Variants in SYT1 observed in about 807,000 individuals in gnomAD.
SYT1 encodes the protein synaptotagmin 1, also known as synaptotagmin-1.
Under a neutral mutation model 44.8 loss-of-function variants are expected in SYT1, and 8 were observed. That is an observed-to-expected ratio of 0.18 (90% confidence interval 0.10 to 0.32). SYT1 has a LOEUF of 0.32. SYT1 is among the 10% of genes least tolerant of loss of function. The pLI is 1.00. For missense variants in SYT1, 286 were observed against 509.3 expected (o/e 0.56, Z 4.22); for synonymous variants, 154 against 188.8 (o/e 0.82, Z 1.51).
Position 78,916,922 on chromosome 12 carries a change from A to C in SYT1, c.-217+51813A>C, listed in dbSNP as rs564886835. 2.4e-4 allele frequency among the ~76,000 whole-genome samples: 36 copies of C among 152,040 alleles called. 1 individual carries two copies. In the South Asian group the frequency reaches 4.6e-3, roughly 19 times the overall value. ...ACTTTTCTTTTTACAATCTTAATAT[A>C]AATTCTCAAAGCATTTACAATTGTC... On this transcript the variant is annotated intron_variant, in intron 1 of 10. Coordinates refer to ENST00000261205, the MANE Select transcript of SYT1 (RefSeq NM_005639.3).
At chr12:79,420,421 T>C (rs1869035118) in intron 9 of SYT1, among the ~76,000 whole-genome samples, 1 of 152,134 alleles carries the variant, frequency 6.6e-6, no homozygotes, top group Admixed American at 6.6e-5. Flanking sequence ...CCTCCCTTCT[T>C]TACTGGTTGA....
chr12:78,913,274 T>G (rs914139694), intron 1 of SYT1, among the ~76,000 whole-genome samples: 11 of 151,394 alleles, frequency 7.3e-5, no homozygotes, highest in Non-Finnish European at 1.3e-4. Context: ...AATCTAACAT[T>G]GACTTATAGC....
intron 4 of SYT1, among the ~76,000 whole-genome samples, chr12:79,275,505 G>A (rs1592921646): frequency 1.3e-5 from 2 of 152,134 alleles, no homozygotes; most frequent in Admixed American, 1.3e-4. Flanking sequence ...TATTCCTGCA[G>A]ATGGACCGAG....
intron 3 of SYT1, among the ~76,000 whole-genome samples, chr12:79,090,967 C>G (rs1780821674): frequency 6.6e-6 from 1 of 151,878 alleles, no homozygotes; most frequent in Admixed American, 6.6e-5. Flanking sequence ...TTAATCTTTC[C>G]TAGATTCAAA....
rs576382090 is a variant in SYT1, at chr12:79,014,484, G to A, written c.-83-32813G>A. Among the ~76,000 whole-genome samples, 4 of 152,222 alleles carry A rather than the reference G, an allele frequency of 2.6e-5. No individual in the cohort carries two copies. The South Asian group carries it at 8.3e-4, about 32-fold the overall frequency. ...AAATGCTCACCATCACTGGCCATCA[G>A]AGAAATGCAAATCAAAACCACAATG... On this transcript the variant is annotated intron_variant, in intron 2 of 10. Coordinates refer to ENST00000261205, the MANE Select transcript of SYT1 (RefSeq NM_005639.3).
chr12:79,441,841 C>CTG (rs1244133682), intron 9 of SYT1, among the ~76,000 whole-genome samples: 7 of 152,222 alleles, frequency 4.6e-5, no homozygotes, highest in Non-Finnish European at 1.0e-4. Flanking sequence ...CTGGTACAAG[C>CTG]ATCACCATAC....
At chr12:78,958,077 G>T (rs2137324048) in intron 1 of SYT1, among the ~76,000 whole-genome samples, 1 of 152,128 alleles carries the variant, frequency 6.6e-6, no homozygotes, top group Non-Finnish European at 1.5e-5. Context: ...ATTTTTGAGT[G>T]TACTTTTCAT....
At chr12:78,988,390 ATAGT>A (rs1214918282) in intron 2 of SYT1, among the ~76,000 whole-genome samples, 2 of 148,068 alleles carry the variant, frequency 1.4e-5, no homozygotes, top group Admixed American at 1.4e-4. Context: ...TGTAAGATAT[ATAGT>A]AAGATTTATA....
intron 3 of SYT1, among the ~76,000 whole-genome samples, chr12:79,059,748 G>A (rs1390251113): frequency 6.6e-6 from 1 of 152,066 alleles, no homozygotes; most frequent in Non-Finnish European, 1.5e-5. Flanking sequence ...GACAGCCCCA[G>A]ATAGCCCATC....
intron 6 of SYT1, among the ~76,000 whole-genome samples, chr12:79,295,018 G>T (rs1318958167): frequency 6.6e-6 from 1 of 152,046 alleles, no homozygotes; most frequent in Admixed American, 6.6e-5. Flanking sequence ...CAATTAAAAT[G>T]GTTATGCATT....
intron 1 of SYT1, among the ~76,000 whole-genome samples, chr12:78,917,355 C>T (rs1384935784): frequency 6.6e-6 from 1 of 151,876 alleles, no homozygotes; most frequent in African/African-American, 2.4e-5. Context: ...AGTTTCCATA[C>T]CCAAAGTTGA....
In SYT1 at chr12:79,147,706, T is replaced by A. The variant is rs565477360; in HGVS notation, c.-17-69797T>A. ...TCACAATGATTAAAAATATGTCAAC[T>A]GACACAAAGGAACTGTTATACCTAA... On this transcript the variant is annotated intron_variant, in intron 3 of 10. Coordinates refer to ENST00000261205, the MANE Select transcript of SYT1 (RefSeq NM_005639.3). Among the ~76,000 whole-genome samples the A allele has an allele frequency of 6.7e-4, 102 of 152,150 alleles. 5 individuals carry two copies. The highest frequency in any genetic ancestry group is 8.8e-5 in the Non-Finnish European group (6 of 68,012).
intron 3 of SYT1, among the ~76,000 whole-genome samples, chr12:79,121,405 T>C (rs1357971260): frequency 1.3e-5 from 2 of 152,222 alleles, no homozygotes; most frequent in Admixed American, 1.3e-4. Flanking sequence ...TAACATCTTA[T>C]GAATAATCTT....
intron 1 of SYT1, among the ~76,000 whole-genome samples, chr12:78,913,195 A>G (rs1217947296): frequency 1.3e-5 from 2 of 151,408 alleles, no homozygotes; most frequent in East Asian, 3.9e-4. Flanking sequence ...TAATTATTGA[A>G]TTTATTTTGT....
chr12:79,000,061 G>A (rs958453426), intron 2 of SYT1, among the ~76,000 whole-genome samples: 10 of 152,106 alleles, frequency 6.6e-5, no homozygotes, highest in Non-Finnish European at 1.2e-4. Context: ...GGATTGGGGC[G>A]TGTTAGAATA....
chr12:79,342,607 A>G (rs553556442), intron 8 of SYT1, among the ~76,000 whole-genome samples: 2 of 152,344 alleles, frequency 1.3e-5, no homozygotes, highest in Non-Finnish European at 2.9e-5. Flanking sequence ...GGAGTAATCT[A>G]TATGAGAGAT....
rs561964796 is a variant in SYT1, at chr12:79,118,924, C to G, written c.-18+71562C>G. On this transcript the variant is annotated intron_variant, in intron 3 of 10. Coordinates refer to ENST00000261205, the MANE Select transcript of SYT1 (RefSeq NM_005639.3). ...TCTTCTCAACTTCAGATCCAGATATCCAACTGCCTACTAAACATCTCTTCC... is the reference window on the plus strand; with the variant it reads ...TCTTCTCAACTTCAGATCCAGATATGCAACTGCCTACTAAACATCTCTTCC... Among the ~76,000 whole-genome samples the G allele has an allele frequency of 5.9e-5, 9 of 152,314 alleles. 1 individual carries two copies. The East Asian group carries it at 1.7e-3, about 29-fold the overall frequency.
intron 3 of SYT1, among the ~76,000 whole-genome samples, chr12:79,139,198 T>C (rs1316052018): frequency 6.6e-6 from 1 of 152,110 alleles, no homozygotes; most frequent in Non-Finnish European, 1.5e-5. Context: ...GGTTTGAGGT[T>C]GAAAGGTTTA....
chr12:79,410,575 G>A (rs1048491124), intron 9 of SYT1, among the ~76,000 whole-genome samples: 3 of 149,940 alleles, frequency 2.0e-5, no homozygotes, highest in South Asian at 4.2e-4. Context: ...ATACAAGCTC[G>A]TATGCATCTC....
Sources: allele counts gnomAD v4.1 joint callset (sites outside exome capture counted in the v4.1 genomes callset), GRCh38; gene constraint gnomAD v4.1.1; transcripts MANE v1.5; gene names NCBI Gene and HGNC (gene_info 2026-07-23, HGNC 2026-07-21).